The following TRPM3 variants were observed in gnomAD, a reference collection of about 807,000 sequenced individuals.
TRPM3 encodes long transient receptor potential channel 3.
In TRPM3, 77 loss-of-function variants were observed where a neutral mutation model predicts 181.2. The ratio of observed to expected loss-of-function variants is 0.42; its 90% CI spans 0.35 to 0.51. The LOEUF (loss-of-function observed/expected upper bound fraction) is 0.51, where lower values mean the gene tolerates loss of function less well. Ranked by LOEUF, TRPM3 falls within the 20% of genes least tolerant of loss-of-function variation. TRPM3 has a pLI of 0.01. For synonymous variants in TRPM3, 745 were observed against 796.4 expected (o/e 0.94, Z 1.09); for missense variants, 1,759 against 2,196.7 (o/e 0.80, Z 3.98).
intron 1 of TRPM3, among the ~76,000 whole-genome samples, chr9:71,334,241 T>C (rs2090409132): frequency 6.6e-6 from 1 of 151,606 alleles, no homozygotes; most frequent in Non-Finnish European, 1.5e-5. Context: ...CACTCAAAGC[T>C]CTAATATTAA....
intron 1 of TRPM3, among the ~76,000 whole-genome samples, chr9:71,430,976 T>C (rs867915179): frequency 4.4e-4 from 67 of 152,372 alleles, no homozygotes; most frequent in African/African-American, 1.5e-3. Flanking sequence ...CATCCTCTTA[T>C]GACTGAGTAC....
intron 3 of TRPM3, among the ~76,000 whole-genome samples, chr9:70,854,611 TA>T (rs1298380407): frequency 6.6e-6 from 1 of 152,186 alleles, no homozygotes; most frequent in Admixed American, 6.5e-5. Context: ...TTTATCTTTC[TA>T]AAAGCACCTG....
At chr9:70,674,731 T>TTA (rs1210331998) in intron 9 of TRPM3, among the ~76,000 whole-genome samples, 1 of 147,108 alleles carries the variant, frequency 6.8e-6, no homozygotes, top group Non-Finnish European at 1.5e-5. Context: ...GCTATTTTTT[T>TTA]TTTTTTTTTT....
intron 8 of TRPM3, among the ~76,000 whole-genome samples, chr9:70,746,171 G>C (rs1221242204): frequency 6.6e-6 from 1 of 152,010 alleles, no homozygotes; most frequent in Non-Finnish European, 1.5e-5. Flanking sequence ...TCCTGCTTAT[G>C]GTAGTAAGAG....
chr9:70,884,504 T>C (rs192029963), intron 1 of TRPM3, among the ~76,000 whole-genome samples: 69 of 152,306 alleles, frequency 4.5e-4, no homozygotes, highest in Non-Finnish European at 1.0e-3. Flanking sequence ...GGGCAAAGTG[T>C]GCGTGTGTGT....
In TRPM3 at chr9:71,171,030, G is replaced by GC. The variant is rs35617222; in HGVS notation, c.183+275622dup. On this transcript the variant is annotated intron_variant, in intron 1 of 24. Coordinates refer to the TRPM3 transcript ENST00000357533. ...GCCTGGAGGTATAGGCTTATAAACA[G>GC]CCCCCCCCAGGTGCTCCTGTCTCTT... 8.9e-3 allele frequency among the ~76,000 whole-genome samples: 1,094 copies of GC among 123,556 alleles called. 6 individuals are homozygous for GC. The highest frequency in any genetic ancestry group is 0.014 in the Non-Finnish European group (761 of 55,788). The allele number at this position is 123,556 out of a possible 152,430, so 81.1% of individuals were successfully genotyped here.
At chr9:71,184,577 G>T (rs1419594804) in intron 1 of TRPM3, among the ~76,000 whole-genome samples, 2 of 152,136 alleles carry the variant, frequency 1.3e-5, no homozygotes, top group Non-Finnish European at 2.9e-5. Context: ...CTATTGAGCA[G>T]ATTCCATGTC....
chr9:71,311,090 T>C (rs1163606774), intron 1 of TRPM3, among the ~76,000 whole-genome samples: 1 of 152,138 alleles, frequency 6.6e-6, no homozygotes, highest in Non-Finnish European at 1.5e-5. Context: ...TTATATACTT[T>C]TTTGGAGGGT....
chr9:71,285,238 C>T (rs1334664945), intron 1 of TRPM3, among the ~76,000 whole-genome samples: 1 of 152,204 alleles, frequency 6.6e-6, no homozygotes, highest in Admixed American at 6.5e-5. Context: ...TCCAATCCTG[C>T]CTGGGTGTGC....
intron 1 of TRPM3, among the ~76,000 whole-genome samples, chr9:70,997,414 C>T (rs1030900529): frequency 6.6e-6 from 1 of 152,172 alleles, no homozygotes; most frequent in African/African-American, 2.4e-5. Flanking sequence ...CCAGGATGGT[C>T]TCGAACTCCT....
chr9:71,211,618 C>A (rs565824300), intron 1 of TRPM3, among the ~76,000 whole-genome samples: 1 of 152,278 alleles, frequency 6.6e-6, no homozygotes, highest in Non-Finnish European at 1.5e-5. Flanking sequence ...TTCTGGGTTT[C>A]TCTCCTATCT....
intron 1 of TRPM3, among the ~76,000 whole-genome samples, chr9:71,179,349 A>C (rs2077271619): frequency 6.6e-6 from 1 of 152,128 alleles, no homozygotes; most frequent in Non-Finnish European, 1.5e-5. Context: ...AAAAGTGAAC[A>C]GTCAACAAGC....
chr9:71,018,797 G>A (rs1437389829), intron 1 of TRPM3, among the ~76,000 whole-genome samples: 3 of 151,912 alleles, frequency 2.0e-5, no homozygotes, highest in East Asian at 3.9e-4. Context: ...TCACGATGAA[G>A]CCAACAAACC....
chr9:71,164,706 C>T (rs936629838), intron 1 of TRPM3, among the ~76,000 whole-genome samples: 7 of 152,082 alleles, frequency 4.6e-5, no homozygotes, highest in African/African-American at 1.7e-4. Context: ...TTCCTGTCAA[C>T]AAAAACAGAG....
At chr9:71,439,106 T>C (rs554163812) in intron 1 of TRPM3, among the ~76,000 whole-genome samples, 1 of 152,286 alleles carries the variant, frequency 6.6e-6, no homozygotes, top group South Asian at 2.1e-4. Context: ...CATAGAAGAA[T>C]GGACATTTCA....
rs541441819 is a variant in TRPM3 at position 71,132,006 on chromosome 9, C to T, written c.184-267495G>A. Among the ~76,000 whole-genome samples the T allele has an allele frequency of 7.2e-5, 11 of 152,238 alleles. No homozygotes were observed. The East Asian group carries it at 7.7e-4, about 11-fold the overall frequency. On this transcript the variant is annotated intron_variant, in intron 1 of 24. Transcript: ENST00000357533. ...TTTATGAAGGCAACTCTCTATTTTACGTAAAGGCATATCTCATTTTGAAGG... is the reference window on the plus strand; with the variant it reads ...TTTATGAAGGCAACTCTCTATTTTATGTAAAGGCATATCTCATTTTGAAGG...
intron 1 of TRPM3, among the ~76,000 whole-genome samples, chr9:71,086,943 GAGA>G (rs2065372539): frequency 6.6e-6 from 1 of 151,912 alleles, no homozygotes; most frequent in Non-Finnish European, 1.5e-5. Context: ...GCCCTGATTT[GAGA>G]AGATGAGAAT....
intron 9 of TRPM3, among the ~76,000 whole-genome samples, chr9:70,662,077 T>G (rs554218237): frequency 6.6e-6 from 1 of 152,232 alleles, no homozygotes; most frequent in African/African-American, 2.4e-5. Flanking sequence ...AATAGGCACA[T>G]AGACCAATGG....
At chr9:70,942,824 G>C (rs768075116) in intron 1 of TRPM3, among the ~76,000 whole-genome samples, 50 of 152,044 alleles carry the variant, frequency 3.3e-4, no homozygotes, top group Non-Finnish European at 2.6e-4. Context: ...AGAACACAAA[G>C]GACAAGTTCA....
Sources: allele counts gnomAD v4.1 joint callset (sites outside exome capture counted in the v4.1 genomes callset), GRCh38; gene constraint gnomAD v4.1.1; transcripts MANE v1.5; gene names NCBI Gene and HGNC (gene_info 2026-07-23, HGNC 2026-07-21).